MACROD2: variants seen among roughly 807,000 people sequenced by gnomAD.
MACROD2 encodes the protein mono-ADP ribosylhydrolase 2.
In MACROD2, 36 loss-of-function variants were observed where a neutral mutation model predicts 70.4. The observed-to-expected ratio is 0.51, with a 90% CI of 0.39 to 0.68. The LOEUF (loss-of-function observed/expected upper bound fraction) is 0.68. Among genes scored for constraint, MACROD2 ranks in the 30% least tolerant of loss-of-function variants. MACROD2 has a pLI of 0.00. For missense variants in MACROD2, 496 were observed against 538.4 expected, an observed-to-expected ratio of 0.92 and a Z score of 0.78; for synonymous variants, 172 against 178.8, an observed-to-expected ratio of 0.96 and a Z score of 0.30.
intron 5 of MACROD2, among the ~76,000 whole-genome samples, chr20:14,898,098 C>A (rs971170362): frequency 6.6e-6 from 1 of 152,044 alleles, no homozygotes; most frequent in Non-Finnish European, 1.5e-5. Flanking sequence ...TTATAAAAAT[C>A]TTCAATGTTT....
At chr20:14,767,178 A>G (rs2072101732) in intron 5 of MACROD2, among the ~76,000 whole-genome samples, 1 of 152,120 alleles carries the variant, frequency 6.6e-6, no homozygotes, top group Non-Finnish European at 1.5e-5. Context: ...TCAATAATCA[A>G]TCAATAATGT....
At chr20:15,243,851 G>A (rs1444542513) in intron 6 of MACROD2, among the ~76,000 whole-genome samples, 4 of 151,636 alleles carry the variant, frequency 2.6e-5, no homozygotes, top group Non-Finnish European at 5.9e-5. Flanking sequence ...GCGTGAATCT[G>A]GGAGATGGAG....
chr20:16,016,810 T>C (rs1369817817), intron 15 of MACROD2, among the ~76,000 whole-genome samples: 2 of 152,228 alleles, frequency 1.3e-5, no homozygotes, highest in South Asian at 2.1e-4. Context: ...TTAGTCTCCT[T>C]CATCTGAGCA....
intron 6 of MACROD2, among the ~76,000 whole-genome samples, chr20:15,251,891 C>T (rs1360003150): frequency 1.3e-5 from 2 of 152,086 alleles, no homozygotes; most frequent in African/African-American, 4.8e-5. Context: ...AGTTGATAAG[C>T]CCCATGTATG....
intron 5 of MACROD2, among the ~76,000 whole-genome samples, chr20:15,135,464 C>T (rs912176799): frequency 6.8e-6 from 1 of 147,440 alleles, no homozygotes; most frequent in African/African-American, 2.5e-5. Context: ...AGACAAAAGC[C>T]ACGTGATTAT....
At chr20:15,334,083 G>C (rs2078022227) in intron 6 of MACROD2, among the ~76,000 whole-genome samples, 1 of 151,542 alleles carries the variant, frequency 6.6e-6, no homozygotes, top group East Asian at 1.9e-4. Context: ...CAAAACAGAG[G>C]GACACAAGTT....
At chr20:14,147,242 G>T (rs570215768) in intron 3 of MACROD2, among the ~76,000 whole-genome samples, 80 of 152,246 alleles carry the variant, frequency 5.3e-4, no homozygotes, top group African/African-American at 1.9e-3. Context: ...TCCCAAGGTG[G>T]CATAGTGTGT....
In MACROD2 at chr20:15,179,655, C is replaced by T. The variant is rs183285057; in HGVS notation, c.419-50285C>T. ...TCCAGCTGGCCCAGCCCCAAGGATA[C>T]CAGTCCACAGGATGCTGAGAGCACA... On this transcript the variant is annotated intron_variant, in intron 5 of 17. Coordinates refer to ENST00000684519, the MANE Select transcript of MACROD2 (RefSeq NM_001351661.2). Among the ~76,000 whole-genome samples, 7 of 152,312 alleles carry T rather than the reference C, an allele frequency of 4.6e-5. No homozygotes were observed. In the East Asian group the frequency reaches 1.4e-3, roughly 29 times the overall value.
At chr20:14,994,041 A>G (rs562136306) in intron 5 of MACROD2, among the ~76,000 whole-genome samples, 6 of 152,236 alleles carry the variant, frequency 3.9e-5, no homozygotes, top group African/African-American at 1.4e-4. Context: ...TTGCTCCCCT[A>G]TAGGTTGGAG....
chr20:14,308,475 A>G (rs2082538885), intron 3 of MACROD2, among the ~76,000 whole-genome samples: 1 of 152,140 alleles, frequency 6.6e-6, no homozygotes, highest in Non-Finnish European at 1.5e-5. Context: ...TTAAAGACTC[A>G]TAGTGAGTTC....
intron 12 of MACROD2, among the ~76,000 whole-genome samples, chr20:15,963,299 A>G (rs943402429): frequency 1.3e-5 from 2 of 152,200 alleles, no homozygotes; most frequent in African/African-American, 4.8e-5. Flanking sequence ...CAGACCCATT[A>G]GAAGTTCTAC....
At chr20:15,168,180 T>A (rs1641309218) in intron 5 of MACROD2, among the ~76,000 whole-genome samples, 1 of 152,130 alleles carries the variant, frequency 6.6e-6, no homozygotes, top group African/African-American at 2.4e-5. Flanking sequence ...ATACTTCACA[T>A]CAGCGTGATG....
At chr20:14,579,716 T>C (rs928031921) in intron 4 of MACROD2, among the ~76,000 whole-genome samples, 11 of 152,230 alleles carry the variant, frequency 7.2e-5, no homozygotes, top group Admixed American at 2.0e-4. Context: ...TGTATTGCAA[T>C]CATTTTGTAT....
intron 4 of MACROD2, among the ~76,000 whole-genome samples, chr20:14,617,447 A>G (rs1445310929): frequency 6.6e-6 from 1 of 152,068 alleles, no homozygotes; most frequent in African/African-American, 2.4e-5. Context: ...TCAGTGGTGA[A>G]TATGATTCTA....
At position 14,684,201 on chromosome 20, in the gene MACROD2, C is replaced by G. The variant is rs576659359; in HGVS notation, c.302-642C>G. On this transcript the variant is annotated intron_variant, in intron 4 of 17. Transcript: ENST00000684519. ...AAGGGGTGGTCTTATGGGTGTTAAG[C>G]AAGACCTAATCTACCCTTGCGCAGC... Among the ~76,000 whole-genome samples the G allele has an allele frequency of 2.6e-5, 4 of 152,268 alleles. No individual in the cohort carries two copies. The East Asian group carries it at 7.7e-4, about 29-fold the overall frequency.
intron 3 of MACROD2, among the ~76,000 whole-genome samples, chr20:14,167,812 A>C (rs2081184766): frequency 6.6e-6 from 1 of 152,216 alleles, no homozygotes; most frequent in Admixed American, 6.5e-5. Context: ...ATTTCAAAAA[A>C]CATTGAAAAC....
chr20:15,131,575 T>A (rs954047700), intron 5 of MACROD2, among the ~76,000 whole-genome samples: 3 of 152,042 alleles, frequency 2.0e-5, no homozygotes, highest in Admixed American at 6.6e-5. Context: ...AGATTGAGGA[T>A]TACAGGAAGT....
chr20:15,453,872 G>A (rs1247883645), intron 7 of MACROD2, among the ~76,000 whole-genome samples: 3 of 152,230 alleles, frequency 2.0e-5, no homozygotes, highest in East Asian at 3.9e-4. Context: ...ATCTCATGGC[G>A]AGAGAAGCTT....
At chr20:14,279,913 CTG>C (rs1307463482) in intron 3 of MACROD2, among the ~76,000 whole-genome samples, 5 of 152,120 alleles carry the variant, frequency 3.3e-5, no homozygotes, top group African/African-American at 1.2e-4. Flanking sequence ...TCAGGAATAA[CTG>C]TGTGACCTTT....
Sources: allele counts gnomAD v4.1 joint callset (sites outside exome capture counted in the v4.1 genomes callset), GRCh38; gene constraint gnomAD v4.1.1; transcripts MANE v1.5; gene names NCBI Gene and HGNC (gene_info 2026-07-23, HGNC 2026-07-21).